The following SLC24A3 variants were observed in gnomAD, a reference collection of about 807,000 sequenced individuals.
SLC24A3 encodes the protein solute carrier family 24 member 3, also known as sodium/potassium/calcium exchanger 3.
SLC24A3 carries 28 observed loss-of-function variants against 75.8 expected under a neutral mutation model. The ratio of observed to expected loss-of-function variants is 0.37; its 90% confidence interval spans 0.27 to 0.51. The LOEUF is 0.51. SLC24A3 is among the 20% of genes least tolerant of loss of function. The pLI, the probability that SLC24A3 is intolerant of heterozygous loss-of-function variation, is 0.94. For missense variants in SLC24A3, 663 were observed against 847.8 expected (o/e 0.78, Z 2.71); for synonymous variants, 372 against 334.1 (o/e 1.11, Z -1.24).
chr20:19,417,937 C>G (rs1986854641), intron 2 of SLC24A3, among the ~76,000 whole-genome samples: 1 of 152,238 alleles, frequency 6.6e-6, no homozygotes, highest in South Asian at 2.1e-4. Flanking sequence ...GTGGAGGAGT[C>G]CTTTTGGGAG....
chr20:19,291,551 C>T (rs1033574561), intron 2 of SLC24A3, among the ~76,000 whole-genome samples: 1 of 152,226 alleles, frequency 6.6e-6, no homozygotes, highest in Non-Finnish European at 1.5e-5. Context: ...GGCTATCCTA[C>T]GGACGCTTCT....
chr20:19,239,119 T>TAAAA (rs372324339), intron 1 of SLC24A3, among the ~76,000 whole-genome samples: 2 of 134,306 alleles, frequency 1.5e-5, no homozygotes, highest in African/African-American at 2.9e-5. Flanking sequence ...AAAGCTTATT[T>TAAAA]TAAAAAAAAA....
chr20:19,391,285 G>A (rs994435669), intron 2 of SLC24A3, among the ~76,000 whole-genome samples: 6 of 152,178 alleles, frequency 3.9e-5, no homozygotes, highest in Admixed American at 6.5e-5. Context: ...ACCACCAGTA[G>A]TGTCTTGATG....
chr20:19,278,707 T>G (rs1286358402), intron 1 of SLC24A3, among the ~76,000 whole-genome samples: 1 of 152,210 alleles, frequency 6.6e-6, no homozygotes, highest in Non-Finnish European at 1.5e-5. Flanking sequence ...CATGTAGAAT[T>G]TTGTATTTCA....
intron 15 of SLC24A3, among the ~76,000 whole-genome samples, chr20:19,707,639 G>A (rs917977268): frequency 2.0e-5 from 3 of 152,206 alleles, no homozygotes; most frequent in Non-Finnish European, 4.4e-5. Context: ...TTCTTTTTAA[G>A]GAAGAATTAA....
chr20:19,428,284 A>G lies in SLC24A3; in HGVS notation c.272-87204A>G, dbSNP rs187986365. On this transcript the variant is annotated intron_variant, in intron 2 of 16. Coordinates refer to ENST00000328041, the MANE Select transcript of SLC24A3 (RefSeq NM_020689.4). ...AGCTCATTTCACACCAGTACAATTC[A>G]ATCAGTGTGCTTATTGTTTGCTAGC... Among the ~76,000 whole-genome samples the G allele has an allele frequency of 2.6e-5, 4 of 152,200 alleles. No individual in the cohort carries two copies. In the East Asian group the frequency reaches 7.7e-4, roughly 29 times the overall value.
intron 2 of SLC24A3, among the ~76,000 whole-genome samples, chr20:19,286,287 G>A (rs577507768): frequency 7.9e-5 from 12 of 152,248 alleles, no homozygotes; most frequent in South Asian, 6.2e-4. Flanking sequence ...GAGGGAAACC[G>A]GGAAGTCTAT....
chr20:19,406,348 A>G (rs564899370), intron 2 of SLC24A3, among the ~76,000 whole-genome samples: 2 of 152,336 alleles, frequency 1.3e-5, no homozygotes, highest in African/African-American at 4.8e-5. Flanking sequence ...TTGTGAAATT[A>G]TAGAGAATTA....
chr20:19,262,324 G>A (rs1228732841), intron 1 of SLC24A3, among the ~76,000 whole-genome samples: 1 of 147,066 alleles, frequency 6.8e-6, no homozygotes, highest in Non-Finnish European at 1.5e-5. Flanking sequence ...AGAATGGCGT[G>A]AACCCGGGAG....
chr20:19,303,325 G>T (rs1246493005), intron 2 of SLC24A3, among the ~76,000 whole-genome samples: 2 of 152,144 alleles, frequency 1.3e-5, no homozygotes, highest in African/African-American at 2.4e-5. Context: ...CCATGTTGCT[G>T]CAAAGGACAT....
chr20:19,413,500 A>C (rs1374867288), intron 2 of SLC24A3, among the ~76,000 whole-genome samples: 1 of 152,172 alleles, frequency 6.6e-6, no homozygotes, highest in African/African-American at 2.4e-5. Context: ...CCCGTTCTTT[A>C]AAGGAGACTG....
chr20:19,345,238 A>G (rs1985363805), intron 2 of SLC24A3, among the ~76,000 whole-genome samples: 1 of 152,204 alleles, frequency 6.6e-6, no homozygotes, highest in Non-Finnish European at 1.5e-5. Flanking sequence ...ATATGAAAAA[A>G]CTGCCAAACT....
intron 3 of SLC24A3, among the ~76,000 whole-genome samples, chr20:19,574,683 G>A (rs913609330): frequency 6.6e-6 from 1 of 152,192 alleles, no homozygotes; most frequent in Non-Finnish European, 1.5e-5. Flanking sequence ...AGTGCATGAG[G>A]GGCTGCGCTA....
intron 7 of SLC24A3, among the ~76,000 whole-genome samples, chr20:19,657,932 C>T (rs568284645): frequency 6.6e-6 from 1 of 152,274 alleles, no homozygotes; most frequent in South Asian, 2.1e-4. Context: ...AAAGCCCTTC[C>T]TCGTACCCAC....
At chr20:19,714,036 CT>C (rs1170369451) in intron 15 of SLC24A3, among the ~76,000 whole-genome samples, 1 of 152,218 alleles carries the variant, frequency 6.6e-6, no homozygotes, top group Admixed American at 6.5e-5. Flanking sequence ...CTCAGCTCAG[CT>C]GCTGTCGTGT....
At chr20:19,552,235 T>C (rs1186097096) in intron 3 of SLC24A3, among the ~76,000 whole-genome samples, 1 of 152,162 alleles carries the variant, frequency 6.6e-6, no homozygotes, top group Non-Finnish European at 1.5e-5. Context: ...TCTAAGACTC[T>C]CTCTCCAGCA....
Position 19,459,344 on chromosome 20 carries a change from T to C in SLC24A3, c.272-56144T>C, listed in dbSNP as rs61216945. Among the ~76,000 whole-genome samples, 27 of 152,290 alleles carry C rather than the reference T, an allele frequency of 1.8e-4. 1 individual carries two copies. In the East Asian group the frequency reaches 3.7e-3, roughly 21 times the overall value. On this transcript the variant is annotated intron_variant, in intron 2 of 16. Coordinates refer to ENST00000328041, the MANE Select transcript of SLC24A3 (RefSeq NM_020689.4). ...CCATGTGCCTCTACCCCCCTTGCAA[T>C]CTAAGCCTCCATCAGATAAAACCGT...
chr20:19,441,352 G>A (rs1234978699), intron 2 of SLC24A3, among the ~76,000 whole-genome samples: 1 of 152,166 alleles, frequency 6.6e-6, no homozygotes, highest in Non-Finnish European at 1.5e-5. Flanking sequence ...CTTGCTAGGT[G>A]AGGGCCCTGT....
intron 2 of SLC24A3, among the ~76,000 whole-genome samples, chr20:19,400,155 C>T (rs1986525773): frequency 6.6e-6 from 1 of 152,132 alleles, no homozygotes; most frequent in Admixed American, 6.6e-5. Flanking sequence ...ATTATGGGTC[C>T]TGTTTTTCTA....
Sources: allele counts gnomAD v4.1 joint callset (sites outside exome capture counted in the v4.1 genomes callset), GRCh38; gene constraint gnomAD v4.1.1; transcripts MANE v1.5; gene names NCBI Gene and HGNC (gene_info 2026-07-23, HGNC 2026-07-21).